The following FIBCD1 variants were observed in gnomAD, a reference collection of about 807,000 sequenced individuals.
FIBCD1 encodes the protein fibrinogen C domain containing 1, also known as fibrinogen C domain-containing protein 1.
FIBCD1 carries 47 observed loss-of-function variants against 45.1 expected under a neutral mutation model. The observed-to-expected ratio is 1.04, with a 90% confidence interval of 0.82 to 1.33. The LOEUF (loss-of-function observed/expected upper bound fraction) is 1.33. Among genes scored for constraint, FIBCD1 ranks in the 40% most tolerant of loss-of-function variants. The probability of loss-of-function intolerance (pLI) is 0.00; values close to 1 mark genes in which losing one functional copy is unlikely to be tolerated. For missense variants in FIBCD1, 653 were observed against 682.2 expected (o/e 0.96, Z 0.48); for synonymous variants, 313 against 308.1 (o/e 1.02, Z -0.17).
rs369324500 is a variant in FIBCD1, at chr9:130,904,087, G to A, written c.1363C>T (p.Arg455Trp). 78 of 1,612,858 alleles carry A rather than the reference G, an allele frequency of 4.8e-5. No individual in the cohort carries two copies. Among genetic ancestry groups the A allele is most frequent in the Non-Finnish European group, 6.2e-5 (73 of 1,179,852 alleles). Residue 455 changes from arginine to tryptophan, a missense_variant, in exon 7 of 7, where the codon CGG (arginine) becomes TGG (tryptophan). Coordinates refer to ENST00000372338, the MANE Select transcript of FIBCD1 (RefSeq NM_032843.5). Reference protein sequence around the residue: ...YSLKFSEMKIRPVREDR With the variant: ...YSLKFSEMKIWPVREDR ...GTCTAGCGGTCCTCCCGGACCGGCC[G>A]GATCTTCATCTCAGAGAACTTGAGT...
intron 4 of FIBCD1, among the ~76,000 whole-genome samples, chr9:130,918,880 C>G (rs749181974): frequency 6.6e-6 from 1 of 152,196 alleles, no homozygotes; most frequent in Admixed American, 6.5e-5. Context: ...CGCGCAGGGC[C>G]GGTGGGGAAG....
intron 5 of FIBCD1, among the ~76,000 whole-genome samples, chr9:130,909,233 C>T (rs959233063): frequency 6.6e-6 from 1 of 152,022 alleles, no homozygotes; most frequent in African/African-American, 2.4e-5. Flanking sequence ...CCTTCTTACC[C>T]TCTCCCTCCC....
Position 130,938,675 on chromosome 9 carries a change from G to A in FIBCD1, c.-68C>T. On this transcript the variant is annotated 5_prime_UTR_variant, in exon 1 of 7. Coordinates refer to ENST00000372338, the MANE Select transcript of FIBCD1 (RefSeq NM_032843.5). ...TGCGGAGCGCAAAGGAGACGGGGTG[G>A]GCGCGGGCGCGGGCGCGGGGCGCGC... 1 of 968,422 alleles carries A rather than the reference G, an allele frequency of 1.0e-6. No individual in the cohort carries two copies. Among genetic ancestry groups the A allele is most frequent in the African/African-American group, 1.8e-5 (1 of 56,874 alleles). 60.0% of individuals were successfully genotyped at this position (968,422 alleles called of 1,614,324 possible). A position where few individuals can be genotyped will look rare whatever the true frequency, so the allele number is the denominator to read the frequency against.
chr9:130,937,844 C>T (rs1832542145), intron 1 of FIBCD1, among the ~76,000 whole-genome samples: 1 of 152,196 alleles, frequency 6.6e-6, no homozygotes, highest in Admixed American at 6.5e-5. Flanking sequence ...CCTCCAAGCC[C>T]CACCTCCACT....
intron 4 of FIBCD1, among the ~76,000 whole-genome samples, chr9:130,917,352 A>G (rs1045059216): frequency 6.6e-6 from 1 of 152,244 alleles, no homozygotes; most frequent in Non-Finnish European, 1.5e-5. Context: ...GCACCTTGGA[A>G]GTGCCGCTTA....
rs1239531394 is a variant in FIBCD1, at chr9:130,935,548, A to G, written c.72+2988T>C. Among the ~76,000 whole-genome samples the G allele has an allele frequency of 2.0e-5, 3 of 152,220 alleles. 1 individual carries two copies. Among genetic ancestry groups the G allele is most frequent in the African/African-American group, 7.2e-5 (3 of 41,448 alleles). ...ATAGGGCTGGGACAGATGGGGCCCA[A>G]GGCGTTTCCCAGAAATGGCTGCACT... On this transcript the variant is annotated intron_variant, in intron 1 of 6. Coordinates refer to ENST00000372338, the MANE Select transcript of FIBCD1 (RefSeq NM_032843.5).
intron 5 of FIBCD1, among the ~76,000 whole-genome samples, chr9:130,909,062 G>A (rs1035278318): frequency 5.3e-5 from 8 of 152,126 alleles, no homozygotes; most frequent in Non-Finnish European, 7.4e-5. Flanking sequence ...GGTGCTTCCC[G>A]CCAGGCACGC....
chr9:130,927,915 C>T (rs1262859435), intron 2 of FIBCD1, among the ~76,000 whole-genome samples: 1 of 152,242 alleles, frequency 6.6e-6, no homozygotes, highest in Non-Finnish European at 1.5e-5. Context: ...CCCGCCTCGG[C>T]TTCCCAAAGT....
chr9:130,911,055 G>A (rs1038869462), intron 5 of FIBCD1, among the ~76,000 whole-genome samples: 13 of 152,128 alleles, frequency 8.5e-5, no homozygotes, highest in Non-Finnish European at 1.9e-4. Context: ...ATAAAAGCAG[G>A]CTGCCCCAGC....
chr9:130,907,493 C>G (rs980632380), intron 5 of FIBCD1, among the ~76,000 whole-genome samples: 3 of 152,338 alleles, frequency 2.0e-5, no homozygotes, highest in Middle Eastern at 3.4e-3. Context: ...GAGCAAGAAA[C>G]AGGGCTGATG....
In FIBCD1 at chr9:130,930,018, G is replaced by A; in HGVS notation, c.101C>T (p.Thr34Ile). The A allele has an allele frequency of 1.3e-6, 2 of 1,524,896 alleles. No homozygotes were observed. Among genetic ancestry groups the A allele is most frequent in the South Asian group, 1.3e-5 (1 of 78,342 alleles). 94.5% of individuals were successfully genotyped at this position (1,524,896 alleles called of 1,614,324 possible). The change falls in exon 2 of 7, where the codon ACC (threonine) becomes ATC (isoleucine). Residue 34 changes from threonine (T) to isoleucine (I), a missense_variant. Physicochemically the swap from Thr to Ile is moderately conservative, Grantham distance 89 (BLOSUM62 -1). Coordinates refer to ENST00000372338, the MANE Select transcript of FIBCD1 (RefSeq NM_032843.5). The part of the protein sequence containing the change: ...QRPSCGYVLC[T>I]VLLALAVLLA... ...CAGCACAGCCAGGGCCAGCAGCACG[G>A]TGCACAGCACGTAGCCGCAGCTCGG...
In FIBCD1 at chr9:130,924,365, T is replaced by A. The variant is rs999308157; in HGVS notation, c.584A>T (p.His195Leu). ...LLSESQGHMA[H>L]LVNSVSDILD... ...GATGTCGCTGACGGAGTTCACCAGG[T>A]GAGCCATGTGGCCCTGGCTCTCAGA... is the stretch of plus-strand genomic sequence containing the variant. Residue 195 changes from histidine (H) to leucine (L), a missense_variant, in exon 3 of 7, where the codon CAC becomes CTC. Transcript: ENST00000372338. 8 of 1,609,668 alleles carry A rather than the reference T, an allele frequency of 5.0e-6. No homozygotes were observed. Among genetic ancestry groups the A allele is most frequent in the Non-Finnish European group, 6.8e-6 (8 of 1,179,106 alleles).
intron 1 of FIBCD1, among the ~76,000 whole-genome samples, chr9:130,936,825 G>A (rs1169332918): frequency 6.6e-6 from 1 of 152,224 alleles, no homozygotes. Flanking sequence ...GATGCAGGAG[G>A]GGCCCAGGAC....
In FIBCD1 at chr9:130,923,820, T is replaced by C. The variant is rs781042247; in HGVS notation, c.773A>G (p.Tyr258Cys). The C allele has an allele frequency of 6.2e-7, 1 of 1,612,510 alleles. No homozygotes were observed. The highest frequency in any genetic ancestry group is 1.1e-5 in the South Asian group (1 of 91,028). Residue 258 changes from tyrosine to cysteine, a missense_variant, in exon 4 of 7, where the codon TAC (tyrosine) becomes TGC (cysteine). Coordinates refer to ENST00000372338, the MANE Select transcript of FIBCD1 (RefSeq NM_032843.5). ...LLSGQQDDGVYSVFPTHYPAG... is the reference protein window; with the variant it reads ...LLSGQQDDGVCSVFPTHYPAG... ...CGGGTAGTGGGTGGGAAAGACAGAGTAGACGCCATCGTCCTGCTGTCCGCT... is the reference window on the plus strand; with the variant it reads ...CGGGTAGTGGGTGGGAAAGACAGAGCAGACGCCATCGTCCTGCTGTCCGCT...
At chr9:130,906,270 G>A (rs2133066778) in intron 5 of FIBCD1, among the ~76,000 whole-genome samples, 2 of 152,284 alleles carry the variant, frequency 1.3e-5, no homozygotes, top group Middle Eastern at 6.8e-3. Context: ...TTCACTGCTG[G>A]TGTGGTTACT....
chr9:130,920,358 C>G (rs1832239658), intron 4 of FIBCD1, among the ~76,000 whole-genome samples: 1 of 152,174 alleles, frequency 6.6e-6, no homozygotes, highest in Non-Finnish European at 1.5e-5. Context: ...CAGCCCCGCT[C>G]CCCGCTCACT....
Position 130,902,760 on chromosome 9 carries a change from G to A in FIBCD1, c.*1304C>T, listed in dbSNP as rs1303075295. ...CCTGACGTAACGCACGCGGGTCCAGGGCTGCTGAGCAGACAGCTGAGGACC... is the reference window on the plus strand; with the variant it reads ...CCTGACGTAACGCACGCGGGTCCAGAGCTGCTGAGCAGACAGCTGAGGACC... On this transcript the variant is annotated 3_prime_UTR_variant, in exon 7 of 7. Coordinates refer to ENST00000372338, the MANE Select transcript of FIBCD1 (RefSeq NM_032843.5). The A allele has an allele frequency of 1.3e-5, 2 of 152,318 alleles. No homozygotes were observed. The highest frequency in any genetic ancestry group is 4.8e-5 in the African/African-American group (2 of 41,476). 9.4% of individuals were successfully genotyped at this position (152,318 alleles called of 1,614,324 possible).
At chr9:130,905,935 G>C (rs1162083725) in intron 5 of FIBCD1, among the ~76,000 whole-genome samples, 1 of 152,104 alleles carries the variant, frequency 6.6e-6, no homozygotes, top group African/African-American at 2.4e-5. Context: ...TGCCCCTGTG[G>C]GTATTTATCT....
At chr9:130,916,556 A>G (rs1832165048) in intron 4 of FIBCD1, among the ~76,000 whole-genome samples, 1 of 152,104 alleles carries the variant, frequency 6.6e-6, no homozygotes, top group East Asian at 1.9e-4. Context: ...CGTGTGGGGG[A>G]ATGTTTAGTC....
Sources: allele counts gnomAD v4.1 joint callset (sites outside exome capture counted in the v4.1 genomes callset), GRCh38; gene constraint gnomAD v4.1.1; transcripts MANE v1.5; gene names NCBI Gene and HGNC (gene_info 2026-07-23, HGNC 2026-07-21).